The following STAU2 variants were observed in gnomAD, a reference collection of about 807,000 sequenced individuals.
STAU2 encodes the protein staufen double-stranded RNA binding protein 2.
In STAU2, 20 loss-of-function variants were observed where a neutral mutation model predicts 65.9. The observed-to-expected ratio is 0.30, with a 90% CI of 0.21 to 0.44. The LOEUF is 0.44. STAU2 is among the 20% of genes least tolerant of loss of function. STAU2 has a pLI of 1.00. For missense variants in STAU2, 558 were observed against 683.9 expected (o/e 0.82, Z 2.05); for synonymous variants, 232 against 233.9 (o/e 0.99, Z 0.07).
intron 6 of STAU2, among the ~76,000 whole-genome samples, chr8:73,627,967 A>C (rs999442470): frequency 1.3e-5 from 2 of 152,098 alleles, no homozygotes; most frequent in Non-Finnish European, 2.9e-5. Context: ...AAATTATTAT[A>C]CTTTTCATGA....
chr8:73,609,798 T>C (rs555252773), intron 9 of STAU2, among the ~76,000 whole-genome samples: 2 of 152,342 alleles, frequency 1.3e-5, no homozygotes, highest in South Asian at 4.1e-4. Flanking sequence ...AGAAGTAGTA[T>C]GCCCAGTTCA....
chr8:73,551,923 C>CA (rs1490905760), intron 13 of STAU2, 89 bp downstream of exon 13: 101 of 1,437,470 alleles, frequency 7.0e-5, no homozygotes, highest in Non-Finnish European at 5.5e-6. Flanking sequence ...GCCATACTAG[C>CA]AGGCAAGAAT....
In STAU2 at chr8:73,706,408, TGCCCA is replaced by T. The variant is rs573176467; in HGVS notation, c.114+2619_114+2623del. On this transcript the variant is annotated intron_variant, in intron 4 of 14. Transcript: ENST00000524300. Reference sequence around the variant, plus strand: ...CTGGGATTACAGGCATGAGTCACCATGCCCAGCCCCAAGAAAATTAATGAGTTGAA... The same window carrying T: ...CTGGGATTACAGGCATGAGTCACCATGCCCCAAGAAAATTAATGAGTTGAA... 1.4e-3 allele frequency among the ~76,000 whole-genome samples: 216 copies of T among 152,238 alleles called. 3 individuals carry two copies. The highest frequency in any genetic ancestry group is 4.6e-3 in the African/African-American group (191 of 41,554).
chr8:73,723,805 G>T (rs1821848771), intron 3 of STAU2, among the ~76,000 whole-genome samples: 1 of 152,146 alleles, frequency 6.6e-6, no homozygotes, highest in Admixed American at 6.5e-5. Context: ...TATCATCTGT[G>T]TCAGTTCTGT....
At chr8:73,574,781 T>C (rs1349936019) in intron 12 of STAU2, among the ~76,000 whole-genome samples, 2 of 152,000 alleles carry the variant, frequency 1.3e-5, no homozygotes, top group Non-Finnish European at 2.9e-5. Context: ...GAGGGAGGGA[T>C]AGCATTAGGA....
intron 1 of STAU2, among the ~76,000 whole-genome samples, chr8:73,744,123 T>C (rs536785547): frequency 6.6e-6 from 1 of 152,134 alleles, no homozygotes; most frequent in Non-Finnish European, 1.5e-5. Flanking sequence ...ATTTGCCTTC[T>C]TATAATTTTT....
intron 6 of STAU2, among the ~76,000 whole-genome samples, chr8:73,646,744 G>C (rs1815402758): frequency 6.6e-6 from 1 of 151,860 alleles, no homozygotes; most frequent in Admixed American, 6.6e-5. Flanking sequence ...AAAAACTTCT[G>C]CTCTATGAAA....
chr8:73,516,599 G>T (rs1381176686), intron 13 of STAU2, among the ~76,000 whole-genome samples: 1 of 152,126 alleles, frequency 6.6e-6, no homozygotes, highest in Non-Finnish European at 1.5e-5. Flanking sequence ...TGAAATTTTT[G>T]AAAAATAACC....
intron 12 of STAU2, among the ~76,000 whole-genome samples, chr8:73,559,547 C>G (rs1808039097): frequency 6.6e-6 from 1 of 152,210 alleles, no homozygotes; most frequent in South Asian, 2.1e-4. Context: ...GGCCTCATAG[C>G]CGGGACCTTG....
chr8:73,550,128 T>C (rs1807225882), intron 13 of STAU2: 3 of 985,250 alleles, frequency 3.0e-6, no homozygotes, highest in Non-Finnish European at 2.4e-6. Flanking sequence ...CAATACCAGC[T>C]CATTCAACCA....
intron 3 of STAU2, among the ~76,000 whole-genome samples, chr8:73,722,484 T>A (rs1303382351): frequency 6.6e-6 from 1 of 152,230 alleles, no homozygotes; most frequent in African/African-American, 2.4e-5. Flanking sequence ...GTTGTAAACA[T>A]CTTTATCTCA....
intron 13 of STAU2, among the ~76,000 whole-genome samples, chr8:73,448,751 G>A (rs547001003): frequency 1.3e-5 from 2 of 152,354 alleles, no homozygotes; most frequent in South Asian, 4.1e-4. Flanking sequence ...ATCAGAGTTG[G>A]TGGACAGAGC....
intron 6 of STAU2, among the ~76,000 whole-genome samples, chr8:73,672,829 G>GC (rs1220324986): frequency 6.6e-6 from 1 of 150,826 alleles, no homozygotes; most frequent in Non-Finnish European, 1.5e-5. Flanking sequence ...GGTCTTCCCT[G>GC]CAACAAATAC....
At chr8:73,560,092 T>A (rs1808099689) in intron 12 of STAU2, among the ~76,000 whole-genome samples, 1 of 145,894 alleles carries the variant, frequency 6.9e-6, no homozygotes, top group Admixed American at 6.8e-5. Flanking sequence ...TTTTTTTTTT[T>A]TTTTTTGAGA....
chr8:73,477,212 C>T (rs1820368580), intron 13 of STAU2, among the ~76,000 whole-genome samples: 1 of 152,040 alleles, frequency 6.6e-6, no homozygotes, highest in African/African-American at 2.4e-5. Flanking sequence ...GGTGGCAGAG[C>T]ATGGACAGAC....
chr8:73,703,824 G>A (rs7002303), intron 4 of STAU2, among the ~76,000 whole-genome samples: 41,946 of 151,970 alleles, frequency 0.28, 6,299 homozygotes, highest in East Asian at 0.45. Context: ...AGATGATTAC[G>A]ACAAGGAACG....
intron 13 of STAU2, among the ~76,000 whole-genome samples, chr8:73,525,120 G>C (rs1377331310): frequency 6.6e-6 from 1 of 152,142 alleles, no homozygotes; most frequent in Non-Finnish European, 1.5e-5. Context: ...GATTATTCCT[G>C]TCCAACATTT....
chr8:73,683,712 A>G (rs776345917), intron 5 of STAU2, among the ~76,000 whole-genome samples: 10 of 152,182 alleles, frequency 6.6e-5, no homozygotes, highest in Non-Finnish European at 1.3e-4. Context: ...AGAAAACCCT[A>G]AAGACTCAAC....
chr8:73,698,366 G>A (rs1443367082), intron 4 of STAU2, among the ~76,000 whole-genome samples: 2 of 152,064 alleles, frequency 1.3e-5, no homozygotes, highest in Non-Finnish European at 2.9e-5. Flanking sequence ...GACATAGAGT[G>A]GCTGAATGGA....
Sources: gnomAD v4.1 joint callset for allele counts (sites outside exome capture counted in the v4.1 genomes callset) on GRCh38, gnomAD v4.1.1 for gene constraint, MANE v1.5 for transcripts, NCBI Gene and HGNC (gene_info 2026-07-23, HGNC 2026-07-21) for gene names.